The following DIAPH2 variants were observed in gnomAD, a reference collection of about 807,000 sequenced individuals.
DIAPH2 encodes diaphanous related formin 2, also known as protein diaphanous homolog 2.
In DIAPH2, 35 loss-of-function variants were observed where a neutral mutation model predicts 92.7. That is an observed-to-expected ratio of 0.38 (90% CI 0.29 to 0.50). The LOEUF (loss-of-function observed/expected upper bound fraction) is 0.50, where lower values mean the gene tolerates loss of function less well. Ranked by LOEUF, DIAPH2 falls within the 20% of genes least tolerant of loss-of-function variation. The probability of loss-of-function intolerance (pLI) is 0.94; values close to 1 mark genes in which losing one functional copy is unlikely to be tolerated. For synonymous variants in DIAPH2, 301 were observed against 280.4 expected, an observed-to-expected ratio of 1.07 and a Z score of -0.73; for missense variants, 701 against 819.5, an observed-to-expected ratio of 0.86 and a Z score of 1.77.
intron 26 of DIAPH2, among the ~76,000 whole-genome samples, chrX:97,540,443 T>A (rs1190555989): frequency 8.9e-6 from 1 of 112,059 alleles, no homozygotes; most frequent in Non-Finnish European, 1.9e-5. Context: ...CATTTATCCT[T>A]GTGGAAACAT....
At chrX:96,885,160 T>C (rs1433615992) in intron 5 of DIAPH2, 2 of 1,003,163 alleles carry the variant, frequency 2.0e-6, no homozygotes, top group Non-Finnish European at 2.7e-6. Context: ...AATTTTGACC[T>C]GTTGACTTTT....
chrX:97,029,146 C>CTTTTT (rs34551722), intron 17 of DIAPH2, among the ~76,000 whole-genome samples: 2 of 92,721 alleles, frequency 2.2e-5, no homozygotes, highest in Non-Finnish European at 2.2e-5. Flanking sequence ...TTTTCTTTTT[C>CTTTTT]TTTTTTTTTT....
intron 4 of DIAPH2, among the ~76,000 whole-genome samples, chrX:96,846,755 G>A (rs1486705973): frequency 1.0e-5 from 1 of 95,324 alleles, no homozygotes; most frequent in Non-Finnish European, 2.1e-5. Context: ...AAAGTTTTGT[G>A]TACAAAATAG....
chrX:97,558,519 CCA>C (rs2147867564), intron 26 of DIAPH2, among the ~76,000 whole-genome samples: 1 of 111,009 alleles, frequency 9.0e-6, no homozygotes, highest in South Asian at 3.8e-4. Flanking sequence ...TGGCCAGCAG[CCA>C]GTAAGGGGTC....
intron 22 of DIAPH2, among the ~76,000 whole-genome samples, chrX:97,156,318 A>G (rs1397634415): frequency 8.9e-6 from 1 of 112,171 alleles, no homozygotes; most frequent in African/African-American, 3.2e-5. Context: ...ACTGATATTT[A>G]AATTTTTCTC....
At chrX:97,041,320 T>G (rs2066447014) in intron 17 of DIAPH2, among the ~76,000 whole-genome samples, 1 of 111,608 alleles carries the variant, frequency 9.0e-6, no homozygotes, top group Non-Finnish European at 1.9e-5. Flanking sequence ...GATTACTGGC[T>G]TAAAATTTCT....
At chrX:96,760,942 T>A (rs1257384938) in intron 4 of DIAPH2, among the ~76,000 whole-genome samples, 15 of 111,358 alleles carry the variant, frequency 1.3e-4, no homozygotes, top group Non-Finnish European at 2.7e-4. Flanking sequence ...TTGTTCATTG[T>A]AGGAAGCGTA....
At chrX:97,479,586 A>G (rs929281850) in intron 26 of DIAPH2, among the ~76,000 whole-genome samples, 2 of 111,654 alleles carry the variant, frequency 1.8e-5, no homozygotes, top group Non-Finnish European at 3.8e-5. Context: ...TTCCCCAATT[A>G]ACTTTGTGAG....
chrX:96,923,596 C>T (rs887243129), intron 9 of DIAPH2, among the ~76,000 whole-genome samples: 2 of 111,492 alleles, frequency 1.8e-5, no homozygotes, highest in African/African-American at 6.5e-5. Context: ...GTTTTACATC[C>T]ACAGCAGACT....
At chrX:97,071,004 C>A (rs1280106873) in intron 17 of DIAPH2, among the ~76,000 whole-genome samples, 2 of 111,505 alleles carry the variant, frequency 1.8e-5, no homozygotes, top group African/African-American at 6.5e-5. Flanking sequence ...ACATGTTTTT[C>A]TTATATGTAC....
At chrX:96,698,531 G>A (rs2063837195) in intron 1 of DIAPH2, among the ~76,000 whole-genome samples, 1 of 110,387 alleles carries the variant, frequency 9.1e-6, no homozygotes, top group African/African-American at 3.3e-5. Flanking sequence ...CCTAAACTAC[G>A]GGCGTTAAGT....
intron 5 of DIAPH2, chrX:96,883,872 T>C (rs932585592): frequency 1.6e-5 from 2 of 121,520 alleles, no homozygotes; most frequent in Non-Finnish European, 3.3e-5. Flanking sequence ...TAAAAGTAAT[T>C]GTAGAAGTTG....
chrX:96,958,990 A>C (rs1450477641), intron 16 of DIAPH2, among the ~76,000 whole-genome samples: 1 of 111,558 alleles, frequency 9.0e-6, no homozygotes, highest in Non-Finnish European at 1.9e-5. Flanking sequence ...GTTGATGGAC[A>C]CTTAGCTTGA....
At position 97,163,044 on chromosome X, in the gene DIAPH2, G is replaced by T. The variant is rs570524494; in HGVS notation, c.2719+21250G>T. Reference sequence around the variant, plus strand: ...CTTCACTGAGAGCTCACCTTTAGCAGAAGTTTTCTTTGGAAGTTTCAGATG... The same window carrying T: ...CTTCACTGAGAGCTCACCTTTAGCATAAGTTTTCTTTGGAAGTTTCAGATG... On this transcript the variant is annotated intron_variant, in intron 22 of 26. Coordinates refer to ENST00000324765, the MANE Select transcript of DIAPH2 (RefSeq NM_006729.5). Among the ~76,000 whole-genome samples, 35 of 111,680 alleles carry T rather than the reference G, an allele frequency of 3.1e-4. 1 individual carries two copies. In the South Asian group the frequency reaches 0.013, roughly 42 times the overall value.
intron 26 of DIAPH2, among the ~76,000 whole-genome samples, chrX:97,498,989 T>C (rs922275899): frequency 2.0e-4 from 22 of 110,994 alleles, no homozygotes; most frequent in Non-Finnish European, 3.8e-4. Flanking sequence ...GGGTAGTGTC[T>C]AGAGACTAGA....
At chrX:96,786,086 T>C (rs2064455010) in intron 4 of DIAPH2, among the ~76,000 whole-genome samples, 1 of 111,801 alleles carries the variant, frequency 8.9e-6, no homozygotes, top group Non-Finnish European at 1.9e-5. Context: ...CACCTGTGTA[T>C]GTTTGAAGGT....
chrX:97,110,377 A>C (rs895795513), intron 20 of DIAPH2, among the ~76,000 whole-genome samples: 2 of 111,466 alleles, frequency 1.8e-5, no homozygotes, highest in African/African-American at 6.5e-5. Context: ...AATAACAAAA[A>C]CTCAACATGT....
intron 25 of DIAPH2, among the ~76,000 whole-genome samples, chrX:97,410,797 G>T (rs5920916): frequency 0.027 from 3,069 of 111,904 alleles, 34 homozygotes; most frequent in Non-Finnish European, 0.039. Flanking sequence ...GTGGAAGAAA[G>T]GCTATCAGTG....
intron 23 of DIAPH2, among the ~76,000 whole-genome samples, chrX:97,316,448 T>TGACCAATA (rs1379688461): frequency 7.5e-5 from 7 of 93,765 alleles, no homozygotes; most frequent in Middle Eastern, 6.5e-3. Context: ...GAGACTAGCC[T>TGACCAATA]GACCAATATG....
Sources: gnomAD v4.1 joint callset for allele counts (sites outside exome capture counted in the v4.1 genomes callset) on GRCh38, gnomAD v4.1.1 for gene constraint, MANE v1.5 for transcripts, NCBI Gene and HGNC (gene_info 2026-07-23, HGNC 2026-07-21) for gene names.